GABRG2: variants seen among roughly 807,000 people sequenced by gnomAD.
GABRG2 encodes the protein gamma-aminobutyric acid receptor subunit gamma-2.
GABRG2 carries 16 observed loss-of-function variants against 56.4 expected under a neutral mutation model. The observed-to-expected ratio is 0.28, with a 90% CI of 0.19 to 0.43. GABRG2 has a LOEUF of 0.43. Ranked by LOEUF, GABRG2 falls within the 20% of genes least tolerant of loss-of-function variation. GABRG2 has a pLI of 1.00. For synonymous variants in GABRG2, 208 were observed against 205.5 expected (o/e 1.01, Z -0.10); for missense variants, 327 against 582.7 (o/e 0.56, Z 4.52).
chr5:162,072,599 C>T (rs1404443519), intron 1 of GABRG2, among the ~76,000 whole-genome samples: 1 of 151,948 alleles, frequency 6.6e-6, no homozygotes, highest in Middle Eastern at 3.2e-3. Flanking sequence ...CCTATGTGAC[C>T]TCTTCAAAGC....
At chr5:162,119,284 T>C (rs1219724139) in intron 6 of GABRG2, among the ~76,000 whole-genome samples, 1 of 152,138 alleles carries the variant, frequency 6.6e-6, no homozygotes, top group East Asian at 1.9e-4. Flanking sequence ...AAACAAATGC[T>C]TATTTCCTCC....
rs1554098562 is a variant in GABRG2, at chr5:162,109,389, A to ATATATAT, written c.769+5363_769+5364insTATATAT. The stretch of plus-strand genomic sequence containing the variant: ...ACATGTACCCTAGAACTTAAAGTAT[A>ATATATAT]ATATATATATATATATATATATATA... On this transcript the variant is annotated intron_variant, in intron 6 of 9. Coordinates refer to ENST00000639213, the MANE Select transcript of GABRG2 (RefSeq NM_198904.4). Among the ~76,000 whole-genome samples the ATATATAT allele has an allele frequency of 3.8e-3, 436 of 116,194 alleles. 9 individuals are homozygous for ATATATAT. Among genetic ancestry groups the ATATATAT allele is most frequent in the African/African-American group, 0.015 (395 of 25,966 alleles). The allele number at this position is 116,194 out of a possible 152,430, so 76.2% of individuals were successfully genotyped here.
At chr5:162,126,584 C>T (rs1246766502) in intron 6 of GABRG2, among the ~76,000 whole-genome samples, 1 of 151,926 alleles carries the variant, frequency 6.6e-6, no homozygotes, top group Non-Finnish European at 1.5e-5. Context: ...TGCTTCACAT[C>T]GTCCCCAGGA....
chr5:162,140,172 T>A (rs1033357216), intron 6 of GABRG2, among the ~76,000 whole-genome samples: 1 of 152,234 alleles, frequency 6.6e-6, no homozygotes, highest in Non-Finnish European at 1.5e-5. Flanking sequence ...TTCAAGTCTT[T>A]AGGCACAGTT....
intron 5 of GABRG2, chr5:162,102,746 G>T: frequency 8.2e-6 from 3 of 365,042 alleles, no homozygotes; most frequent in South Asian, 4.2e-5. Flanking sequence ...GCCCAAGCTG[G>T]ATATTATCAC....
intron 1 of GABRG2, among the ~76,000 whole-genome samples, chr5:162,077,902 G>A (rs1759270975): frequency 6.6e-6 from 1 of 152,070 alleles, no homozygotes; most frequent in African/African-American, 2.4e-5. Flanking sequence ...GTTGGAGAGA[G>A]GAGACAGAGA....
At chr5:162,137,285 A>C (rs1486776948) in intron 6 of GABRG2, among the ~76,000 whole-genome samples, 1 of 152,198 alleles carries the variant, frequency 6.6e-6, no homozygotes, top group Non-Finnish European at 1.5e-5. Flanking sequence ...TATCCAAGAA[A>C]TTTTAAAATA....
At chr5:162,121,714 G>A (rs758175611) in intron 6 of GABRG2, among the ~76,000 whole-genome samples, 4 of 151,946 alleles carry the variant, frequency 2.6e-5, no homozygotes, top group Non-Finnish European at 5.9e-5. Flanking sequence ...GCACATAGTA[G>A]GTGCTTTTTA....
intron 6 of GABRG2, among the ~76,000 whole-genome samples, chr5:162,105,810 C>CATAT (rs1761776105): frequency 1.3e-5 from 1 of 77,454 alleles, no homozygotes; most frequent in South Asian, 6.2e-4. Flanking sequence ...CGAAAGAAAA[C>CATAT]ACATACACAC....
intron 1 of GABRG2, among the ~76,000 whole-genome samples, chr5:162,089,112 A>G (rs561743192): frequency 6.6e-6 from 1 of 152,268 alleles, no homozygotes; most frequent in African/African-American, 2.4e-5. Context: ...AATGGTCTCT[A>G]CGATGGGATG....
At chr5:162,126,647 C>T (rs140716854) in intron 6 of GABRG2, among the ~76,000 whole-genome samples, 16 of 152,054 alleles carry the variant, frequency 1.1e-4, no homozygotes, top group Non-Finnish European at 1.9e-4. Context: ...CTCAATTCTC[C>T]GAGCCCATCT....
intron 1 of GABRG2, among the ~76,000 whole-genome samples, chr5:162,068,808 AT>A (rs1482383761): frequency 1.3e-5 from 2 of 152,120 alleles, no homozygotes; most frequent in Non-Finnish European, 2.9e-5. Context: ...CGGGGCACTA[AT>A]GAAATATACA....
chr5:162,113,366 CA>C (rs1396528160), intron 6 of GABRG2, among the ~76,000 whole-genome samples: 1 of 152,118 alleles, frequency 6.6e-6, no homozygotes, highest in Non-Finnish European at 1.5e-5. Flanking sequence ...TTATCCACTC[CA>C]AAATTAACTA....
chr5:162,109,251 G>A (rs1220782982), intron 6 of GABRG2, among the ~76,000 whole-genome samples: 1 of 151,634 alleles, frequency 6.6e-6, no homozygotes, highest in Non-Finnish European at 1.5e-5. Flanking sequence ...GTGGGGTGGG[G>A]GTAGGGGAGA....
chr5:162,116,444 C>A (rs1762631043), intron 6 of GABRG2, among the ~76,000 whole-genome samples: 1 of 148,180 alleles, frequency 6.7e-6, no homozygotes, highest in Non-Finnish European at 1.5e-5. Context: ...ATTCTCATAG[C>A]CAAAAGGGGA....
intron 1 of GABRG2, among the ~76,000 whole-genome samples, chr5:162,069,443 G>C (rs938555695): frequency 2.0e-5 from 3 of 152,138 alleles, no homozygotes; most frequent in Admixed American, 6.5e-5. Flanking sequence ...CAGCTGAAAA[G>C]GATGGAGGTT....
chr5:162,136,746 C>T (rs920158986), intron 6 of GABRG2, among the ~76,000 whole-genome samples: 1 of 152,120 alleles, frequency 6.6e-6, no homozygotes, highest in African/African-American at 2.4e-5. Flanking sequence ...CGAAGAGGAG[C>T]GTGGACCTAT....
chr5:162,129,858 T>C (rs1269810289), intron 6 of GABRG2, among the ~76,000 whole-genome samples: 1 of 151,966 alleles, frequency 6.6e-6, no homozygotes, highest in Non-Finnish European at 1.5e-5. Flanking sequence ...TTATATTTAA[T>C]GTTTACATAG....
chr5:162,127,929 A>G (rs1252102131), intron 6 of GABRG2, among the ~76,000 whole-genome samples: 2 of 151,986 alleles, frequency 1.3e-5, no homozygotes, highest in Non-Finnish European at 2.9e-5. Context: ...GAGAGCACAG[A>G]GTGCTGCTCA....
Sources: gnomAD v4.1 joint callset for allele counts (sites outside exome capture counted in the v4.1 genomes callset) on GRCh38, gnomAD v4.1.1 for gene constraint, MANE v1.5 for transcripts, NCBI Gene and HGNC (gene_info 2026-07-23, HGNC 2026-07-21) for gene names.